The following SH3GL2 variants were observed in gnomAD, a reference collection of about 807,000 sequenced individuals.
SH3GL2 encodes the protein SH3 domain containing GRB2 like 2, endophilin A1, also known as endophilin-A1.
Under a neutral mutation model 46.0 loss-of-function variants are expected in SH3GL2, and 24 were observed. That is an observed-to-expected ratio of 0.52 (90% CI 0.38 to 0.73). The LOEUF (loss-of-function observed/expected upper bound fraction) is 0.73, where lower values mean the gene tolerates loss of function less well. SH3GL2 is among the 30% of genes least tolerant of loss of function. The pLI, the probability that SH3GL2 is intolerant of heterozygous loss-of-function variation, is 0.00. For synonymous variants in SH3GL2, 196 were observed against 147.1 expected (o/e 1.33, Z -2.40); for missense variants, 413 against 424.2 (o/e 0.97, Z 0.23).
chr9:17,703,772 C>G (rs986776049), intron 1 of SH3GL2, among the ~76,000 whole-genome samples: 14 of 151,978 alleles, frequency 9.2e-5, no homozygotes, highest in African/African-American at 3.4e-4. Flanking sequence ...GTTAAAAACC[C>G]TTGACAAACT....
At chr9:17,753,320 T>A (rs1287250103) in intron 2 of SH3GL2, among the ~76,000 whole-genome samples, 1 of 152,216 alleles carries the variant, frequency 6.6e-6, no homozygotes, top group Admixed American at 6.5e-5. Flanking sequence ...TTTACACTCC[T>A]ACCAACAGTG....
intron 1 of SH3GL2, among the ~76,000 whole-genome samples, chr9:17,723,288 A>AT (rs540297039): frequency 1.4e-3 from 212 of 152,204 alleles, no homozygotes; most frequent in African/African-American, 5.1e-3. Flanking sequence ...ACTTCAATAT[A>AT]TTATATTTTC....
At chr9:17,650,994 G>A (rs568400871) in intron 1 of SH3GL2, among the ~76,000 whole-genome samples, 7 of 152,132 alleles carry the variant, frequency 4.6e-5, no homozygotes, top group African/African-American at 1.4e-4. Context: ...TTGTGTGTGT[G>A]TGTTTGCACG....
intron 2 of SH3GL2, among the ~76,000 whole-genome samples, chr9:17,760,365 A>G (rs950314362): frequency 6.6e-6 from 1 of 152,128 alleles, no homozygotes; most frequent in African/African-American, 2.4e-5. Flanking sequence ...AAAATCTTTT[A>G]ATGTGTGGAT....
At chr9:17,782,112 G>C (rs368459798) in intron 3 of SH3GL2, among the ~76,000 whole-genome samples, 5 of 152,160 alleles carry the variant, frequency 3.3e-5, no homozygotes, top group African/African-American at 1.2e-4. Context: ...TAGATTTTTG[G>C]TAAATGACTA....
At chr9:17,718,494 G>T (rs941900992) in intron 1 of SH3GL2, among the ~76,000 whole-genome samples, 2 of 152,094 alleles carry the variant, frequency 1.3e-5, no homozygotes, top group East Asian at 1.9e-4. Context: ...ACGCCAAGGC[G>T]GGTGGATTGC....
At chr9:17,667,406 C>T (rs573466560) in intron 1 of SH3GL2, among the ~76,000 whole-genome samples, 1 of 152,268 alleles carries the variant, frequency 6.6e-6, no homozygotes, top group South Asian at 2.1e-4. Context: ...AGTCACCATA[C>T]TTTCAGTCTC....
At chr9:17,793,839 T>C in intron 8 of SH3GL2, among the ~76,000 whole-genome samples, 1 of 152,242 alleles carries the variant, frequency 6.6e-6, no homozygotes. Context: ...TGTCATCTTT[T>C]CTCCTGCGTG....
intron 3 of SH3GL2, among the ~76,000 whole-genome samples, chr9:17,784,772 G>A (rs1243565253): frequency 5.9e-5 from 9 of 152,106 alleles, no homozygotes; most frequent in Non-Finnish European, 1.0e-4. Context: ...GAGTGGAGTG[G>A]CACCATCATA....
At chr9:17,779,967 C>T (rs1339021160) in intron 3 of SH3GL2, among the ~76,000 whole-genome samples, 1 of 152,174 alleles carries the variant, frequency 6.6e-6, no homozygotes, top group East Asian at 1.9e-4. Flanking sequence ...TAGAGACGAA[C>T]ACAGTGGTTC....
chr9:17,587,565 T>G (rs919378396), intron 1 of SH3GL2, among the ~76,000 whole-genome samples: 2 of 152,188 alleles, frequency 1.3e-5, no homozygotes, highest in Admixed American at 6.5e-5. Context: ...ATTTGAGTAA[T>G]GAAATTTCTT....
chr9:17,653,972 G>T (rs1370870012), intron 1 of SH3GL2: 2 of 384,456 alleles, frequency 5.2e-6, no homozygotes, highest in Admixed American at 1.3e-4. Context: ...ACTCTGGGAA[G>T]AGCAGTTGTG....
At chr9:17,626,454 C>T (rs3824387) in intron 1 of SH3GL2, among the ~76,000 whole-genome samples, 61,430 of 152,096 alleles carry the variant, frequency 0.4, 13,013 homozygotes, top group African/African-American at 0.52. Flanking sequence ...TCATCTCTCT[C>T]TTATTTCCTG....
chr9:17,706,497 A>G (rs1052805398), intron 1 of SH3GL2, among the ~76,000 whole-genome samples: 2 of 152,062 alleles, frequency 1.3e-5, no homozygotes, highest in Non-Finnish European at 2.9e-5. Context: ...AAAGAAATCC[A>G]TAGCTGGCTT....
chr9:17,714,216 T>C (rs1821695932), intron 1 of SH3GL2, among the ~76,000 whole-genome samples: 1 of 151,744 alleles, frequency 6.6e-6, no homozygotes, highest in Non-Finnish European at 1.5e-5. Context: ...TCCATTCTAT[T>C]ACCTTTTTTC....
At chr9:17,590,290 A>T (rs1156866855) in intron 1 of SH3GL2, 1 of 152,136 alleles carries the variant, frequency 6.6e-6, no homozygotes, top group African/African-American at 2.4e-5. Context: ...TGGCCATTGC[A>T]CATCATCATC....
chr9:17,758,141 C>T (rs79086780), intron 2 of SH3GL2, among the ~76,000 whole-genome samples: 1,851 of 152,308 alleles, frequency 0.012, 33 homozygotes, highest in African/African-American at 0.043. Flanking sequence ...TCATAACACA[C>T]TTAAAGAGCT....
intron 1 of SH3GL2, among the ~76,000 whole-genome samples, chr9:17,702,355 G>C (rs1588255445): frequency 6.6e-6 from 1 of 151,938 alleles, no homozygotes; most frequent in Non-Finnish European, 1.5e-5. Context: ...TCTGATGGAA[G>C]CTTTTCTAAT....
intron 1 of SH3GL2, among the ~76,000 whole-genome samples, chr9:17,688,407 G>GT (rs1156854590): frequency 6.6e-6 from 1 of 152,104 alleles, no homozygotes; most frequent in Non-Finnish European, 1.5e-5. Context: ...GTAACGTACT[G>GT]TTTAACAGGT....
Sources: allele counts gnomAD v4.1 joint callset (sites outside exome capture counted in the v4.1 genomes callset), GRCh38; gene constraint gnomAD v4.1.1; transcripts MANE v1.5; gene names NCBI Gene and HGNC (gene_info 2026-07-23, HGNC 2026-07-21).